APBB1IP: variants seen among roughly 807,000 people sequenced by gnomAD.
APBB1IP encodes the protein amyloid beta precursor protein binding family B member 1 interacting protein.
In APBB1IP, 27 loss-of-function variants were observed where a neutral mutation model predicts 64.9. The ratio of observed to expected loss-of-function variants is 0.42; its 90% CI spans 0.31 to 0.57. APBB1IP has a LOEUF of 0.57. Ranked by LOEUF, APBB1IP falls within the 20% of genes least tolerant of loss-of-function variation. The probability of loss-of-function intolerance (pLI) is 0.20; values close to 1 mark genes in which losing one functional copy is unlikely to be tolerated. For missense variants in APBB1IP, 812 were observed against 845.5 expected, an observed-to-expected ratio of 0.96 and a Z score of 0.49; for synonymous variants, 392 against 331.0, an observed-to-expected ratio of 1.18 and a Z score of -2.00.
Position 26,560,808 on chromosome 10 carries a change from A to G in APBB1IP, c.1333A>G (p.Thr445Ala). ...TGCCTCTCGGTGGACAAACTTGGGG[A>G]CAGTCAATGCAGCTGCACCAGCTCA... is the stretch of plus-strand genomic sequence containing the variant. ...GLASRWTNLG[T>A]VNAAAPAQPS... The change falls in exon 13 of 15, where the codon ACA becomes GCA. Residue 445 changes from threonine (T) to alanine (A), a missense_variant. Thr to Ala is a moderately conservative substitution (Grantham distance 58). Around this residue, in one of 3 missense-constraint regions of APBB1IP, gnomAD observed 381 missense variants for 352.1 expected, o/e 1.08. Coordinates refer to ENST00000376236, the MANE Select transcript of APBB1IP (RefSeq NM_019043.4). 1 of 1,599,654 alleles carries G rather than the reference A, an allele frequency of 6.3e-7. No homozygotes were observed. The highest frequency in any genetic ancestry group is 8.5e-7 in the Non-Finnish European group (1 of 1,172,888).
At chr10:26,447,954 A>G (rs1835420012) in intron 2 of APBB1IP, among the ~76,000 whole-genome samples, 1 of 152,104 alleles carries the variant, frequency 6.6e-6, no homozygotes, top group Non-Finnish European at 1.5e-5. Flanking sequence ...AATTTTAATC[A>G]CTTATTTTAT....
intron 4 of APBB1IP, among the ~76,000 whole-genome samples, chr10:26,500,386 A>G (rs1285328679): frequency 2.6e-5 from 4 of 151,976 alleles, no homozygotes; most frequent in Non-Finnish European, 2.9e-5. Flanking sequence ...TAGCAGCAGT[A>G]CTCTCTTTGC....
intron 11 of APBB1IP, among the ~76,000 whole-genome samples, chr10:26,552,332 C>A (rs577891605): frequency 9.9e-5 from 15 of 151,338 alleles, no homozygotes; most frequent in South Asian, 8.4e-4. Context: ...GCACTGTGGC[C>A]CATGTGTGTA....
intron 11 of APBB1IP, among the ~76,000 whole-genome samples, chr10:26,544,660 C>A (rs1836738166): frequency 6.6e-6 from 1 of 152,140 alleles, no homozygotes; most frequent in African/African-American, 2.4e-5. Context: ...AAGACAAGGT[C>A]TCTGACAAGA....
At chr10:26,498,531 C>T (rs1836057170) in intron 4 of APBB1IP, among the ~76,000 whole-genome samples, 1 of 152,090 alleles carries the variant, frequency 6.6e-6, no homozygotes, top group African/African-American at 2.4e-5. Flanking sequence ...ATGCTATACA[C>T]TTTAGTAAAA....
chr10:26,518,234 T>G (rs1343867439), intron 8 of APBB1IP, among the ~76,000 whole-genome samples: 1 of 148,064 alleles, frequency 6.8e-6, no homozygotes, highest in Non-Finnish European at 1.5e-5. Flanking sequence ...ATTACAGGCA[T>G]GAGCCACCGC....
rs1368394810 is a variant in APBB1IP at position 26,567,507 on chromosome 10, T to C, written c.*19T>C. The stretch of plus-strand genomic sequence containing the variant: ...GTCCTAGGGACGGGCATGATGAGTG[T>C]TCCAGAGGGAGAAGCATCGCTGACC... On this transcript the variant is annotated 3_prime_UTR_variant, in exon 15 of 15. Coordinates refer to ENST00000376236, the MANE Select transcript of APBB1IP (RefSeq NM_019043.4). 1 of 1,544,526 alleles carries C rather than the reference T, an allele frequency of 6.5e-7. No individual in the cohort carries two copies. Among genetic ancestry groups the C allele is most frequent in the South Asian group, 1.1e-5 (1 of 90,332 alleles).
intron 2 of APBB1IP, among the ~76,000 whole-genome samples, chr10:26,439,525 AC>A (rs1251317194): frequency 6.6e-6 from 1 of 152,256 alleles, no homozygotes; most frequent in Non-Finnish European, 1.5e-5. Flanking sequence ...GAGGAAACTA[AC>A]TAGGGTGTCC....
At chr10:26,473,102 ACT>A (rs947447191) in intron 2 of APBB1IP, among the ~76,000 whole-genome samples, 3 of 152,190 alleles carry the variant, frequency 2.0e-5, no homozygotes, top group African/African-American at 7.2e-5. Flanking sequence ...ACTCTTTGTT[ACT>A]CAAGCCCTTA....
intron 8 of APBB1IP, among the ~76,000 whole-genome samples, chr10:26,529,139 T>A (rs1408585509): frequency 6.6e-6 from 1 of 151,936 alleles, no homozygotes; most frequent in African/African-American, 2.4e-5. Flanking sequence ...TGACCAAGAG[T>A]CTCATTTCCC....
At chr10:26,545,187 C>T (rs978459498) in intron 11 of APBB1IP, among the ~76,000 whole-genome samples, 6 of 152,144 alleles carry the variant, frequency 3.9e-5, no homozygotes, top group Non-Finnish European at 8.8e-5. Context: ...TGTTTATGAA[C>T]ATTGTGGTCA....
intron 11 of APBB1IP, among the ~76,000 whole-genome samples, chr10:26,553,315 C>T (rs956575256): frequency 6.6e-6 from 1 of 151,972 alleles, no homozygotes; most frequent in African/African-American, 2.4e-5. Flanking sequence ...CCACCGCACC[C>T]GGCCTCAACT....
chr10:26,477,392 A>G (rs1835788219), intron 2 of APBB1IP, among the ~76,000 whole-genome samples: 1 of 152,074 alleles, frequency 6.6e-6, no homozygotes, highest in Non-Finnish European at 1.5e-5. Context: ...CTTGTTGTGC[A>G]TTTTGGGGTC....
At chr10:26,496,708 T>C (rs890991294) in intron 4 of APBB1IP, among the ~76,000 whole-genome samples, 5 of 151,890 alleles carry the variant, frequency 3.3e-5, no homozygotes, top group African/African-American at 1.2e-4. Flanking sequence ...TACAAAAATA[T>C]TAGTAAGGAA....
intron 2 of APBB1IP, among the ~76,000 whole-genome samples, chr10:26,481,270 T>A (rs1195502606): frequency 2.0e-5 from 3 of 152,076 alleles, no homozygotes; most frequent in Admixed American, 2.0e-4. Flanking sequence ...TGGGGAACAT[T>A]TTTGGGTGTT....
intron 2 of APBB1IP, among the ~76,000 whole-genome samples, chr10:26,489,004 T>G (rs2132428007): frequency 6.6e-6 from 1 of 152,334 alleles, no homozygotes; most frequent in East Asian, 1.9e-4. Flanking sequence ...AGACCTCTCT[T>G]AACTAAAGAC....
intron 10 of APBB1IP, 149 bp from the exon 11 acceptor site, chr10:26,541,433 C>A: frequency 6.4e-6 from 4 of 626,008 alleles, no homozygotes; most frequent in Middle Eastern, 4.1e-4. Flanking sequence ...TTTGAGAAAA[C>A]CTATACATGG....
intron 8 of APBB1IP, among the ~76,000 whole-genome samples, chr10:26,520,169 T>C (rs1836385659): frequency 6.6e-6 from 1 of 152,310 alleles, no homozygotes; most frequent in Non-Finnish European, 1.5e-5. Context: ...CTTGCTGCCT[T>C]TTTCATGCCT....
chr10:26,563,696 C>T (rs1032984541), intron 14 of APBB1IP, among the ~76,000 whole-genome samples: 5 of 152,186 alleles, frequency 3.3e-5, no homozygotes, highest in African/African-American at 1.2e-4. Context: ...CTAGGACAGG[C>T]AGGGTGCTTC....
Sources: gnomAD v4.1 joint callset for allele counts (sites outside exome capture counted in the v4.1 genomes callset) on GRCh38, gnomAD v4.1.1 for gene constraint, gnomAD v4.1.1 regional missense constraint, MANE v1.5 for transcripts, NCBI Gene and HGNC (gene_info 2026-07-23, HGNC 2026-07-21) for gene names.